BRD7: variants seen among roughly 807,000 people sequenced by gnomAD.
BRD7 encodes bromodomain containing 7, also known as bromodomain-containing protein 7.
A neutral mutation model predicts 82.1 loss-of-function variants in BRD7; 15 were observed. That is an observed-to-expected ratio of 0.18 (90% confidence interval 0.12 to 0.28). BRD7 has a LOEUF of 0.28. Among genes scored for constraint, BRD7 ranks in the 10% least tolerant of loss-of-function variants. The probability of loss-of-function intolerance (pLI) is 1.00; values close to 1 mark genes in which losing one functional copy is unlikely to be tolerated. For missense variants in BRD7, 638 were observed against 779.9 expected, an observed-to-expected ratio of 0.82 and a Z score of 2.17; for synonymous variants, 232 against 266.9, an observed-to-expected ratio of 0.87 and a Z score of 1.27.
intron 8 of BRD7, among the ~76,000 whole-genome samples, chr16:50,330,550 GA>G (rs1440542489): frequency 2.0e-5 from 3 of 152,102 alleles, no homozygotes; most frequent in Non-Finnish European, 4.4e-5. Context: ...GATAGTCTAA[GA>G]GGGGGAGAGA....
intron 16 of BRD7, among the ~76,000 whole-genome samples, chr16:50,319,663 A>G (rs1489842231): frequency 6.6e-6 from 1 of 152,228 alleles, no homozygotes; most frequent in African/African-American, 2.4e-5. Flanking sequence ...TATTAACTAC[A>G]TTCTATGAAG....
At chr16:50,366,785 C>T (rs1329580529) in intron 2 of BRD7, among the ~76,000 whole-genome samples, 1 of 152,148 alleles carries the variant, frequency 6.6e-6, no homozygotes, top group Admixed American at 6.5e-5. Flanking sequence ...TAAAAATCAT[C>T]TTCACGAATT....
rs2036915420 is a variant in BRD7 at position 50,318,356 on chromosome 16, G to A, written c.*855C>T. 6.6e-6 allele frequency: 1 copy of A among 152,164 alleles called. No individual in the cohort carries two copies. Among genetic ancestry groups the A allele is most frequent in the Non-Finnish European group, 1.5e-5 (1 of 68,042 alleles). 9.4% of individuals were successfully genotyped at this position (152,164 alleles called of 1,614,324 possible). On this transcript the variant is annotated 3_prime_UTR_variant, in exon 17 of 17. Coordinates refer to ENST00000394688, the MANE Select transcript of BRD7 (RefSeq NM_013263.5). ...CTTCCTGCCTGGGTGATTTATAGAAGGATTGTATAAGGGCCTTCAAACTTA... is the reference window on the plus strand; with the variant it reads ...CTTCCTGCCTGGGTGATTTATAGAAAGATTGTATAAGGGCCTTCAAACTTA...
In BRD7 at chr16:50,355,077, GAAT is replaced by G. The variant is rs564764465; in HGVS notation, c.259-158_259-156del. Among the ~76,000 whole-genome samples, 24 of 152,212 alleles carry G rather than the reference GAAT, an allele frequency of 1.6e-4. No individual in the cohort carries two copies. The East Asian group carries it at 4.1e-3, about 26-fold the overall frequency. Reference sequence around the variant, plus strand: ...TACTGCCATCTACTGGAAAAGGAGAGAATAATACGTTCACGAAGGAAAAAACAA... The same window carrying G: ...TACTGCCATCTACTGGAAAAGGAGAGAATACGTTCACGAAGGAAAAAACAA... On this transcript the variant is annotated intron_variant, in intron 2 of 16. Coordinates refer to ENST00000394688, the MANE Select transcript of BRD7 (RefSeq NM_013263.5).
chr16:50,323,602 T>C lies in BRD7; in HGVS notation c.1428A>G (p.Leu476=). The change falls in exon 12 of 17, where the codon CTA becomes CTG. Residue 476 remains leucine (L), a synonymous_variant. Coordinates refer to ENST00000394688, the MANE Select transcript of BRD7 (RefSeq NM_013263.5). ...GTGTTCTTACCATCTCCATCTCTTGTAGGGTCCTGGAATGCCCTCCTTTTG... is the reference window on the plus strand; with the variant it reads ...GTGTTCTTACCATCTCCATCTCTTGCAGGGTCCTGGAATGCCCTCCTTTTG... ...VLTKGGHSRT[L]QEMEMSLPED... is the part of the protein sequence containing the mutation. The C allele has an allele frequency of 1.2e-6, 2 of 1,611,256 alleles. No homozygotes were observed. The highest frequency in any genetic ancestry group is 1.7e-6 in the Non-Finnish European group (2 of 1,177,454).
intron 9 of BRD7, among the ~76,000 whole-genome samples, chr16:50,328,035 C>A (rs2037411842): frequency 6.6e-6 from 1 of 152,136 alleles, no homozygotes; most frequent in South Asian, 2.1e-4. Context: ...AATTAACATT[C>A]TCACATTTGC....
chr16:50,337,792 C>T (rs553901660), intron 6 of BRD7, among the ~76,000 whole-genome samples: 5 of 152,062 alleles, frequency 3.3e-5, no homozygotes, highest in Non-Finnish European at 7.4e-5. Context: ...ACTGTTGTGA[C>T]GACCCCTCCC....
chr16:50,360,800 T>G (rs891490586), intron 2 of BRD7, among the ~76,000 whole-genome samples: 1 of 152,226 alleles, frequency 6.6e-6, no homozygotes, highest in Non-Finnish European at 1.5e-5. Flanking sequence ...AGAGGAGCAA[T>G]GCTACTCATA....
At chr16:50,333,194 C>T (rs1304900648) in intron 8 of BRD7, among the ~76,000 whole-genome samples, 1 of 152,108 alleles carries the variant, frequency 6.6e-6, no homozygotes, top group Non-Finnish European at 1.5e-5. Context: ...CAAATGTTTT[C>T]CTGTAAATTT....
chr16:50,318,986 G>T lies in BRD7; in HGVS notation c.*225C>A. The T allele has an allele frequency of 4.4e-6, 2 of 457,104 alleles. No individual in the cohort carries two copies. Among genetic ancestry groups the T allele is most frequent in the Non-Finnish European group, 7.9e-6 (2 of 253,834 alleles). The allele number at this position is 457,104 out of a possible 1,614,324, so 28.3% of individuals were successfully genotyped here. A position where few individuals can be genotyped will look rare whatever the true frequency, so the allele number is the denominator to read the frequency against. Reference sequence around the variant, plus strand: ...AGCATTGGAAGGCACTATTTTGAAAGAATGCTGCACAGGTATGGCAACAGC... The same window carrying T: ...AGCATTGGAAGGCACTATTTTGAAATAATGCTGCACAGGTATGGCAACAGC... On this transcript the variant is annotated 3_prime_UTR_variant, in exon 17 of 17. Coordinates refer to ENST00000394688, the MANE Select transcript of BRD7 (RefSeq NM_013263.5).
rs757330761 is a variant in BRD7, at chr16:50,319,217, T to C, written c.1950A>G (p.Gly650=). 6.2e-6 allele frequency: 10 copies of C among 1,612,358 alleles called. No homozygotes were observed. The highest frequency in any genetic ancestry group is 8.5e-6 in the Non-Finnish European group (10 of 1,179,350). Residue 650 remains glycine, a synonymous_variant, in exon 17 of 17, where the codon GGA becomes GGG. Transcript: ENST00000394688. ...AATCAAATACCAGGCAGCCTCAACTTCCACCAGGTCCACACTCAGCAACAT... is the reference window on the plus strand; with the variant it reads ...AATCAAATACCAGGCAGCCTCAACTCCCACCAGGTCCACACTCAGCAACAT... ...KTDVAECGPG[G]S
intron 5 of BRD7, among the ~76,000 whole-genome samples, chr16:50,344,086 G>A (rs2038183881): frequency 6.6e-6 from 1 of 152,178 alleles, no homozygotes; most frequent in Admixed American, 6.5e-5. Flanking sequence ...GGATCGGGCA[G>A]CAACATGTAC....
At position 50,334,981 on chromosome 16, in the gene BRD7, T is replaced by C. The variant is rs567223339; in HGVS notation, c.703-86A>G. On this transcript the variant is annotated intron_variant, in intron 6 of 16. Coordinates refer to ENST00000394688, the MANE Select transcript of BRD7 (RefSeq NM_013263.5). ...TTTTTTCCCCACAGGAGTTTATACT[T>C]ATCCTGTCATTAACCAGGGAAGAAA... 2.4e-5 allele frequency: 31 copies of C among 1,277,116 alleles called. No individual in the cohort carries two copies. In the South Asian group the frequency reaches 4.8e-4, roughly 20 times the overall value. The allele number at this position is 1,277,116 out of a possible 1,614,324, so 79.1% of individuals were successfully genotyped here.
intron 6 of BRD7, among the ~76,000 whole-genome samples, chr16:50,337,721 T>C (rs2037871450): frequency 1.3e-5 from 2 of 152,186 alleles, no homozygotes; most frequent in African/African-American, 4.8e-5. Context: ...CTGGGCTCTC[T>C]TGGAGCACAA....
In BRD7 at chr16:50,338,855, GGTAT is replaced by G. The variant is rs200495255; in HGVS notation, c.702+1117_702+1120del. Among the ~76,000 whole-genome samples, 878 of 152,268 alleles carry G rather than the reference GGTAT, an allele frequency of 5.8e-3. 6 individuals are homozygous for G. Among genetic ancestry groups the G allele is most frequent in the Middle Eastern group, 0.01 (3 of 294 alleles). On this transcript the variant is annotated intron_variant, in intron 6 of 16. Coordinates refer to ENST00000394688, the MANE Select transcript of BRD7 (RefSeq NM_013263.5). ...AAACTCTCTTCTGCCTGCCTGCCAT[GGTAT>G]GGTATGGTGCCAGGATCACCCTTGA...
chr16:50,330,435 A>G (rs1161468841), intron 8 of BRD7, among the ~76,000 whole-genome samples: 1 of 151,468 alleles, frequency 6.6e-6, no homozygotes, highest in Non-Finnish European at 1.5e-5. Flanking sequence ...CCTTCTGGCA[A>G]TCAACTTGTT....
At chr16:50,339,456 T>C (rs2037954368) in intron 6 of BRD7, among the ~76,000 whole-genome samples, 1 of 152,202 alleles carries the variant, frequency 6.6e-6, no homozygotes, top group African/African-American at 2.4e-5. Context: ...TGTAACACAA[T>C]GCTAAGTATG....
rs141963798 is a variant in BRD7, at chr16:50,365,163, G to A, written c.258+2927C>T. The stretch of plus-strand genomic sequence containing the variant: ...CCTGAGAGTCTCCAAATCTCGAGAC[G>A]AGCCAAAATAAGGAGAAATGCCAGA... On this transcript the variant is annotated intron_variant, in intron 2 of 16. Transcript: ENST00000394688. Among the ~76,000 whole-genome samples, 867 of 139,750 alleles carry A rather than the reference G, an allele frequency of 6.2e-3. 9 individuals carry two copies. The highest frequency in any genetic ancestry group is 0.024 in the African/African-American group (820 of 34,184). 91.7% of individuals were successfully genotyped at this position (139,750 alleles called of 152,430 possible). A position where few individuals can be genotyped will look rare whatever the true frequency, so the allele number is the denominator to read the frequency against.
chr16:50,368,012 A>C (rs2039212981), intron 2 of BRD7, 78 bp downstream of exon 2: 1 of 1,445,502 alleles, frequency 6.9e-7, no homozygotes, highest in Admixed American at 1.7e-5. Flanking sequence ...TTCCCCAGAT[A>C]CAAAGAAAAT....
Sources: allele counts gnomAD v4.1 joint callset (sites outside exome capture counted in the v4.1 genomes callset), GRCh38; gene constraint gnomAD v4.1.1; transcripts MANE v1.5; gene names NCBI Gene and HGNC (gene_info 2026-07-23, HGNC 2026-07-21).